Variants in SIPA1L1 observed in about 807,000 individuals in gnomAD.
SIPA1L1 encodes signal induced proliferation associated 1 like 1.
In SIPA1L1, 26 loss-of-function variants were observed where a neutral mutation model predicts 162.7. The ratio of observed to expected loss-of-function variants is 0.16; its 90% confidence interval spans 0.12 to 0.22. SIPA1L1 has a LOEUF of 0.22. Among genes scored for constraint, SIPA1L1 ranks in the 10% least tolerant of loss-of-function variants. The pLI, the probability that SIPA1L1 is intolerant of heterozygous loss-of-function variation, is 1.00. For synonymous variants in SIPA1L1, 829 were observed against 837.4 expected, an observed-to-expected ratio of 0.99 and a Z score of 0.17; for missense variants, 1,874 against 2,241.0, an observed-to-expected ratio of 0.84 and a Z score of 3.31.
intron 2 of SIPA1L1, among the ~76,000 whole-genome samples, chr14:71,413,520 C>G (rs972237042): frequency 6.6e-5 from 10 of 152,112 alleles, no homozygotes; most frequent in Non-Finnish European, 1.5e-4. Flanking sequence ...GGTGGATCAC[C>G]TGAGGTGAGG....
rs57812404 is a variant in SIPA1L1 at position 71,424,535 on chromosome 14, A to C, written c.-464-88208A>C. 2.8e-3 allele frequency among the ~76,000 whole-genome samples: 430 copies of C among 152,234 alleles called. 3 individuals carry two copies. The highest frequency in any genetic ancestry group is 9.7e-3 in the African/African-American group (403 of 41,562). On this transcript the variant is annotated intron_variant, in intron 2 of 23. Transcript: ENST00000381232. ...TTTTTCTGCATCAATTCAGATGGTC[A>C]TATGGGATATTTCATCTCTTCATTC...
chr14:71,383,155 C>T (rs746437429), intron 2 of SIPA1L1, among the ~76,000 whole-genome samples: 2 of 152,162 alleles, frequency 1.3e-5, no homozygotes, highest in Non-Finnish European at 2.9e-5. Flanking sequence ...TTAACTTGTG[C>T]TGTTTTAAGT....
intron 8 of SIPA1L1, among the ~76,000 whole-genome samples, chr14:71,652,095 G>A (rs1283989760): frequency 7.2e-5 from 11 of 152,098 alleles, no homozygotes; most frequent in African/African-American, 1.9e-4. Context: ...TTAAAATGTC[G>A]CATTTCCTAA....
chr14:71,723,598 T>G (rs766597834), intron 17 of SIPA1L1, 49 bp from the exon 18 acceptor site: 4 of 1,606,762 alleles, frequency 2.5e-6, no homozygotes, highest in Non-Finnish European at 3.4e-6. Context: ...CTTTTATAGC[T>G]GACATAATGA....
At chr14:71,586,333 T>A (rs1210358392) in intron 4 of SIPA1L1, 12 of 152,044 alleles carry the variant, frequency 7.9e-5, no homozygotes, top group Non-Finnish European at 1.8e-4. Flanking sequence ...GCGCCTGCCT[T>A]GGAGGCAGGA....
intron 17 of SIPA1L1, among the ~76,000 whole-genome samples, chr14:71,711,651 A>G (rs184112861): frequency 6.6e-6 from 1 of 152,242 alleles, no homozygotes; most frequent in African/African-American, 2.4e-5. Context: ...CGGCTGTGCC[A>G]TTATCTAACA....
intron 2 of SIPA1L1, among the ~76,000 whole-genome samples, chr14:71,490,887 A>C (rs2049186978): frequency 6.6e-6 from 1 of 152,210 alleles, no homozygotes; most frequent in African/African-American, 2.4e-5. Context: ...TCGTACATAC[A>C]TCGTAGAGAA....
intron 2 of SIPA1L1, among the ~76,000 whole-genome samples, chr14:71,433,668 A>G (rs150593188): frequency 5.1e-4 from 77 of 152,152 alleles, no homozygotes; most frequent in Non-Finnish European, 6.0e-4. Flanking sequence ...TTTTCCTGAG[A>G]AAAGATCATT....
intron 6 of SIPA1L1, among the ~76,000 whole-genome samples, chr14:71,623,099 A>G (rs1431328325): frequency 6.6e-6 from 1 of 152,102 alleles, no homozygotes; most frequent in African/African-American, 2.4e-5. Flanking sequence ...ACTGTGGTCC[A>G]TTCTCTGCCT....
intron 2 of SIPA1L1, among the ~76,000 whole-genome samples, chr14:71,435,146 C>T (rs2044278221): frequency 6.6e-6 from 1 of 151,958 alleles, no homozygotes; most frequent in African/African-American, 2.4e-5. Context: ...CATTTACACT[C>T]CTCTCAGCAA....
chr14:71,338,251 T>C (rs1333846864), intron 2 of SIPA1L1, among the ~76,000 whole-genome samples: 1 of 152,210 alleles, frequency 6.6e-6, no homozygotes, highest in Non-Finnish European at 1.5e-5. Context: ...TCAAGGGTGT[T>C]TAGCCTGGAG....
intron 2 of SIPA1L1, among the ~76,000 whole-genome samples, chr14:71,459,461 A>C (rs1235074412): frequency 6.9e-6 from 1 of 144,484 alleles, no homozygotes; most frequent in Non-Finnish European, 1.5e-5. Context: ...ATCCATCCAG[A>C]GAGAGAGAGA....
intron 4 of SIPA1L1, among the ~76,000 whole-genome samples, chr14:71,535,126 A>G (rs911246528): frequency 1.4e-4 from 22 of 152,218 alleles, no homozygotes; most frequent in African/African-American, 5.1e-4. Flanking sequence ...TTCTCACAGA[A>G]CACAGAGCAC....
chr14:71,477,877 C>T (rs566002601), intron 2 of SIPA1L1, among the ~76,000 whole-genome samples: 5 of 151,844 alleles, frequency 3.3e-5, no homozygotes, highest in African/African-American at 1.2e-4. Context: ...ATTCCCAGGA[C>T]TGGGATTGCT....
At chr14:71,330,862 C>T in intron 2 of SIPA1L1, 1 of 572,558 alleles carries the variant, frequency 1.7e-6, no homozygotes, top group South Asian at 2.2e-5. Context: ...ATTTTTTCCA[C>T]TCCAGGTTGC....
chr14:71,631,029 C>A (rs960022604), intron 7 of SIPA1L1, among the ~76,000 whole-genome samples: 2 of 152,096 alleles, frequency 1.3e-5, no homozygotes, highest in African/African-American at 4.8e-5. Flanking sequence ...CCCAGCCCCC[C>A]AGCCCCTGAC....
chr14:71,555,864 G>A (rs1479002661), intron 4 of SIPA1L1, among the ~76,000 whole-genome samples: 3 of 152,148 alleles, frequency 2.0e-5, no homozygotes, highest in Admixed American at 6.6e-5. Context: ...TTGATTGTTT[G>A]ACATTTGTTG....
chr14:71,633,217 G>A (rs1200075268), intron 7 of SIPA1L1, among the ~76,000 whole-genome samples: 1 of 152,180 alleles, frequency 6.6e-6, no homozygotes, highest in East Asian at 1.9e-4. Context: ...CTGCAGTGCA[G>A]TGGCTTGATT....
chr14:71,466,773 G>A (rs550339559), intron 2 of SIPA1L1, among the ~76,000 whole-genome samples: 1 of 152,076 alleles, frequency 6.6e-6, no homozygotes, highest in African/African-American at 2.4e-5. Flanking sequence ...GATGTTCATG[G>A]TCTCAAGCAC....
Sources: gnomAD v4.1 joint callset for allele counts (sites outside exome capture counted in the v4.1 genomes callset) on GRCh38, gnomAD v4.1.1 for gene constraint, MANE v1.5 for transcripts, NCBI Gene and HGNC (gene_info 2026-07-23, HGNC 2026-07-21) for gene names.